The following KCNIP1 variants were observed in gnomAD, a reference collection of about 807,000 sequenced individuals.
The protein encoded by KCNIP1 is A-type potassium channel modulatory protein KCNIP1.
Under a neutral mutation model 33.0 loss-of-function variants are expected in KCNIP1, and 18 were observed. The observed-to-expected ratio is 0.55, with a 90% confidence interval of 0.38 to 0.81. KCNIP1 has a LOEUF of 0.81. Among genes scored for constraint, KCNIP1 ranks in the 30% least tolerant of loss-of-function variants. The probability of loss-of-function intolerance (pLI) is 0.00; values close to 1 mark genes in which losing one functional copy is unlikely to be tolerated. For missense variants in KCNIP1, 238 were observed against 271.6 expected (o/e 0.88, Z 0.87); for synonymous variants, 93 against 98.3 (o/e 0.95, Z 0.32).
At chr5:170,369,839 G>A (rs560157117) in intron 1 of KCNIP1, among the ~76,000 whole-genome samples, 3 of 152,290 alleles carry the variant, frequency 2.0e-5, no homozygotes, top group South Asian at 2.1e-4. Flanking sequence ...GGCCTACCTC[G>A]CACTGGAAGG....
At position 170,383,831 on chromosome 5, in the gene KCNIP1, T is replaced by C. The variant is rs778208287; in HGVS notation, c.88+29867T>C. 9 of 1,613,944 alleles carry C rather than the reference T, an allele frequency of 5.6e-6. No homozygotes were observed. The South Asian group carries it at 8.8e-5, about 16-fold the overall frequency. On this transcript the variant is annotated intron_variant, in intron 1 of 7. Transcript: ENST00000377360. ...ATGTTGGTCTCAATCAGGTGGCACT[T>C]GGATTCCTGGGTCCACACGCTGAGG...
At chr5:170,358,111 G>T (rs182597217) in intron 1 of KCNIP1, among the ~76,000 whole-genome samples, 5 of 152,166 alleles carry the variant, frequency 3.3e-5, no homozygotes, top group Non-Finnish European at 7.4e-5. Flanking sequence ...CAGAAGTTGT[G>T]CAGGCTCCAT....
At chr5:170,453,631 C>A (rs1452922863) in intron 1 of KCNIP1, among the ~76,000 whole-genome samples, 2 of 152,218 alleles carry the variant, frequency 1.3e-5, no homozygotes, top group African/African-American at 4.8e-5. Flanking sequence ...CTGTGACTTG[C>A]TTCTAACCAG....
intron 1 of KCNIP1, among the ~76,000 whole-genome samples, chr5:170,388,524 GA>G (rs1331857394): frequency 6.6e-6 from 1 of 152,224 alleles, no homozygotes. Context: ...TTCCCATTTA[GA>G]AAGGTCACTT....
chr5:170,368,969 C>G (rs1001351562), intron 1 of KCNIP1, among the ~76,000 whole-genome samples: 5 of 152,178 alleles, frequency 3.3e-5, no homozygotes, highest in Non-Finnish European at 7.3e-5. Flanking sequence ...CAGAGAGAGA[C>G]AGAGACAGAG....
At chr5:170,560,685 C>T (rs1424574746) in intron 1 of KCNIP1, among the ~76,000 whole-genome samples, 1 of 152,036 alleles carries the variant, frequency 6.6e-6, no homozygotes, top group African/African-American at 2.4e-5. Context: ...CGCTTCTCAG[C>T]CTCTGTCTCT....
At chr5:170,520,111 G>A (rs1240950502) in intron 1 of KCNIP1, among the ~76,000 whole-genome samples, 3 of 152,214 alleles carry the variant, frequency 2.0e-5, no homozygotes, top group Non-Finnish European at 4.4e-5. Flanking sequence ...GTGCATGTGT[G>A]TAGAGGGATG....
At chr5:170,414,955 A>G (rs1389187366) in intron 1 of KCNIP1, among the ~76,000 whole-genome samples, 1 of 152,222 alleles carries the variant, frequency 6.6e-6, no homozygotes, top group Non-Finnish European at 1.5e-5. Context: ...AAGGCTTCCA[A>G]TGCCCAGCAT....
chr5:170,712,718 C>G (rs1763495292), intron 1 of KCNIP1: 1 of 827,838 alleles, frequency 1.2e-6, no homozygotes. Flanking sequence ...TCCAGCTCTG[C>G]TACTGAGAGG....
chr5:170,481,935 G>T (rs143866187), intron 1 of KCNIP1, among the ~76,000 whole-genome samples: 1 of 152,320 alleles, frequency 6.6e-6, no homozygotes, highest in East Asian at 1.9e-4. Flanking sequence ...CTGAGCCCCC[G>T]TTTCCAAGTC....
chr5:170,557,971 C>A (rs1316405643), intron 1 of KCNIP1, among the ~76,000 whole-genome samples: 1 of 152,164 alleles, frequency 6.6e-6, no homozygotes, highest in Non-Finnish European at 1.5e-5. Flanking sequence ...TATGGTGGCA[C>A]TTATTTCCAT....
chr5:170,648,174 C>T (rs748245296), intron 1 of KCNIP1, among the ~76,000 whole-genome samples: 1 of 152,210 alleles, frequency 6.6e-6, no homozygotes, highest in African/African-American at 2.4e-5. Context: ...ATCAGTGCTT[C>T]GTGGGACTGT....
intron 1 of KCNIP1, among the ~76,000 whole-genome samples, chr5:170,490,110 T>C (rs1337894797): frequency 1.3e-5 from 2 of 152,212 alleles, no homozygotes; most frequent in African/African-American, 2.4e-5. Context: ...TGCATGTACA[T>C]TGAGATACTC....
chr5:170,359,982 C>T (rs1268372013), intron 1 of KCNIP1, among the ~76,000 whole-genome samples: 2 of 152,232 alleles, frequency 1.3e-5, no homozygotes, highest in African/African-American at 4.8e-5. Context: ...AACTTCAGGA[C>T]CACAGGGGAG....
At chr5:170,449,384 C>G (rs1343316923) in intron 1 of KCNIP1, among the ~76,000 whole-genome samples, 2 of 152,184 alleles carry the variant, frequency 1.3e-5, no homozygotes, top group Non-Finnish European at 2.9e-5. Context: ...CTGAGCTCCA[C>G]ACACCCTTGG....
intron 1 of KCNIP1, among the ~76,000 whole-genome samples, chr5:170,399,583 C>T (rs1754845559): frequency 1.3e-5 from 2 of 152,098 alleles, no homozygotes; most frequent in Admixed American, 6.6e-5. Flanking sequence ...AAACCACAGT[C>T]AAAATATTAG....
chr5:170,628,465 ATCTC>A (rs1170653805), intron 1 of KCNIP1, among the ~76,000 whole-genome samples: 2 of 152,100 alleles, frequency 1.3e-5, no homozygotes, highest in African/African-American at 2.4e-5. Flanking sequence ...TTTCAACTTC[ATCTC>A]TCTAACTCCA....
chr5:170,684,014 C>T (rs1762457212), intron 1 of KCNIP1, among the ~76,000 whole-genome samples: 1 of 152,004 alleles, frequency 6.6e-6, no homozygotes, highest in Admixed American at 6.6e-5. Flanking sequence ...GCCGAGGCCT[C>T]CCAAAGTGCT....
intron 1 of KCNIP1, among the ~76,000 whole-genome samples, chr5:170,559,883 T>C (rs1756973163): frequency 1.3e-5 from 2 of 152,206 alleles, no homozygotes; most frequent in South Asian, 4.1e-4. Context: ...AGACAGCGTC[T>C]TGGTCACCAT....
Sources: gnomAD v4.1 joint callset for allele counts (sites outside exome capture counted in the v4.1 genomes callset) on GRCh38, gnomAD v4.1.1 for gene constraint, MANE v1.5 for transcripts, NCBI Gene and HGNC (gene_info 2026-07-23, HGNC 2026-07-21) for gene names.